Variants in FAT4 observed in about 807,000 individuals in gnomAD.
The protein encoded by FAT4 is protocadherin Fat 4.
Under a neutral mutation model 303.9 loss-of-function variants are expected in FAT4, and 84 were observed. The observed-to-expected ratio is 0.28, with a 90% CI of 0.23 to 0.33. FAT4 has a LOEUF of 0.33. FAT4 is among the 10% of genes least tolerant of loss of function. The probability of loss-of-function intolerance (pLI) is 1.00; values close to 1 mark genes in which losing one functional copy is unlikely to be tolerated. For missense variants in FAT4, 6,005 were observed against 6,146.8 expected (o/e 0.98, Z 0.77); for synonymous variants, 2,307 against 2,298.8 (o/e 1.00, Z -0.10).
intron 7 of FAT4, among the ~76,000 whole-genome samples, chr4:125,424,764 G>C (rs1451470469): frequency 6.6e-6 from 1 of 152,088 alleles, no homozygotes; most frequent in Non-Finnish European, 1.5e-5. Context: ...ATATAGATTG[G>C]GAGTGTTATG....
chr4:125,358,774 C>T (rs1012391043), intron 2 of FAT4, among the ~76,000 whole-genome samples: 6 of 152,024 alleles, frequency 3.9e-5, no homozygotes, highest in Non-Finnish European at 5.9e-5. Flanking sequence ...GTTGGGGACC[C>T]CTTATCTACA....
chr4:125,435,445 A>G (rs1327432866), intron 8 of FAT4, among the ~76,000 whole-genome samples: 2 of 152,218 alleles, frequency 1.3e-5, no homozygotes, highest in East Asian at 1.9e-4. Context: ...ATTATCAGCT[A>G]TGGGTACCAG....
chr4:125,340,364 T>C (rs560067444), intron 2 of FAT4, among the ~76,000 whole-genome samples: 1 of 149,466 alleles, frequency 6.7e-6, no homozygotes, highest in African/African-American at 2.5e-5. Flanking sequence ...AAATGTCTCG[T>C]AGAGCACATT....
intron 2 of FAT4, among the ~76,000 whole-genome samples, chr4:125,397,540 C>T (rs1185471130): frequency 6.6e-6 from 1 of 152,160 alleles, no homozygotes; most frequent in African/African-American, 2.4e-5. Context: ...CTTCACCATT[C>T]TCTGGACTCA....
At chr4:125,417,711 A>G (rs1735128835) in intron 7 of FAT4, among the ~76,000 whole-genome samples, 1 of 152,164 alleles carries the variant, frequency 6.6e-6, no homozygotes, top group African/African-American at 2.4e-5. Flanking sequence ...TTTCAGTGAC[A>G]TTAGTGTCCT....
At chr4:125,454,692 G>A (rs527726430) in intron 10 of FAT4, among the ~76,000 whole-genome samples, 1 of 152,198 alleles carries the variant, frequency 6.6e-6, no homozygotes, top group Non-Finnish European at 1.5e-5. Context: ...AATTAGCTGG[G>A]CGTGGTGGCA....
At chr4:125,332,066 C>A (rs1240979007) in intron 2 of FAT4, among the ~76,000 whole-genome samples, 1 of 152,002 alleles carries the variant, frequency 6.6e-6, no homozygotes, top group South Asian at 2.1e-4. Context: ...AGTGCTCTTC[C>A]CCTTTTTCCT....
chr4:125,352,085 G>A (rs1204895160), intron 2 of FAT4, among the ~76,000 whole-genome samples: 1 of 151,560 alleles, frequency 6.6e-6, no homozygotes, highest in East Asian at 1.9e-4. Flanking sequence ...TTTTTAAAAA[G>A]GGATTTAGGT....
intron 2 of FAT4, among the ~76,000 whole-genome samples, chr4:125,369,844 G>T (rs1733038284): frequency 1.3e-5 from 2 of 151,968 alleles, no homozygotes; most frequent in African/African-American, 4.8e-5. Context: ...GACTACTTTT[G>T]CTAACTGATA....
intron 8 of FAT4, among the ~76,000 whole-genome samples, chr4:125,436,541 G>A (rs1301860318): frequency 6.6e-6 from 1 of 152,122 alleles, no homozygotes; most frequent in Non-Finnish European, 1.5e-5. Flanking sequence ...GAGTGTATTA[G>A]TCTGTTCTCA....
intron 2 of FAT4, among the ~76,000 whole-genome samples, chr4:125,368,051 T>C (rs1732953124): frequency 2.0e-5 from 3 of 152,104 alleles, no homozygotes; most frequent in Admixed American, 6.5e-5. Flanking sequence ...GGCAATTTAG[T>C]ATTTGTTACT....
rs373744467 is a variant in FAT4, at chr4:125,451,406, G to C, written c.10396G>C (p.Val3466Leu). 1 of 1,614,112 alleles carries C rather than the reference G, an allele frequency of 6.2e-7. No homozygotes were observed. The highest frequency in any genetic ancestry group is 1.3e-5 in the African/African-American group (1 of 75,026). Residue 3466 changes from valine (V) to leucine (L), a missense_variant, in exon 10 of 18, where the codon GTT becomes CTT. Val to Leu is a conservative substitution (Grantham distance 32, BLOSUM62 1). Transcript: ENST00000394329. Reference protein sequence around the residue: ...SINPQTGQITVTAELDRETLP... With the variant: ...SINPQTGQITLTAELDRETLP... ...TAATCCGCAGACAGGACAGATCACC[G>C]TTACTGCAGAATTAGATCGAGAAAC...
Position 125,317,446 on chromosome 4 carries a change from C to T in FAT4, c.1035C>T (p.Asp345=), listed in dbSNP as rs1411451861. 1.2e-6 allele frequency: 2 copies of T among 1,613,532 alleles called. No individual in the cohort carries two copies. Among genetic ancestry groups the T allele is most frequent in the Admixed American group, 3.3e-5 (2 of 60,012 alleles). ...CCGAGGCGCTGATTCAGCTGCTGGA[C>T]GTGAATGACAATGACCCGGTAGTGA... ...GRAEALIQLL[D]VNDNDPVVKF... The change falls in exon 2 of 18, where the codon GAC becomes GAT. Residue 345 remains aspartate, a synonymous_variant. Coordinates refer to ENST00000394329, the MANE Select transcript of FAT4 (RefSeq NM_001291303.3). This position sits in a 1 kb window ranked among gnomAD's most constrained non-coding sequence, Gnocchi z 7.0.
At chr4:125,417,165 A>G (rs1257246816) in intron 7 of FAT4, among the ~76,000 whole-genome samples, 1 of 152,090 alleles carries the variant, frequency 6.6e-6, no homozygotes, top group Non-Finnish European at 1.5e-5. Flanking sequence ...CATAAAACAG[A>G]ATGAATTGTT....
intron 11 of FAT4, among the ~76,000 whole-genome samples, chr4:125,464,327 C>G (rs1288554895): frequency 6.6e-6 from 1 of 152,068 alleles, no homozygotes; most frequent in Non-Finnish European, 1.5e-5. Flanking sequence ...CAGGTCTTAT[C>G]CAGCTGTTAC....
rs754755525 is a variant in FAT4 at position 125,468,549 on chromosome 4, A to C, written c.11943A>C (p.Gly3981=). The C allele has an allele frequency of 2.5e-6, 4 of 1,612,906 alleles. No individual in the cohort carries two copies. The highest frequency in any genetic ancestry group is 3.4e-6 in the Non-Finnish European group (4 of 1,179,110). The change falls in exon 12 of 18, where the codon GGA becomes GGC. Residue 3981 remains glycine, a synonymous_variant. Coordinates refer to ENST00000394329, the MANE Select transcript of FAT4 (RefSeq NM_001291303.3). Reference sequence around the variant, plus strand: ...AACACTGCGAGTTGAACAGTTATGGATTTGAGGAGTTATCATACATGGAAT... The same window carrying C: ...AACACTGCGAGTTGAACAGTTATGGCTTTGAGGAGTTATCATACATGGAAT... The part of the protein sequence containing the change: ...FGKHCELNSY[G]FEELSYMEFP...
In FAT4 at chr4:125,320,008, C is replaced by T; in HGVS notation, c.3597C>T (p.Tyr1199=). Residue 1199 remains tyrosine, a synonymous_variant, in exon 2 of 18, where the codon TAC becomes TAT. Transcript: ENST00000394329. ...PLKDQATVHV[Y]MKDINDNAPK... is the part of the protein sequence containing the mutation. ...AGGATCAGGCCACTGTACATGTTTA[C>T]ATGAAGGATATAAATGATAATGCTC... The T allele has an allele frequency of 1.9e-6, 3 of 1,612,974 alleles. No individual in the cohort carries two copies. The highest frequency in any genetic ancestry group is 2.2e-5 in the South Asian group (2 of 91,076).
intron 12 of FAT4, among the ~76,000 whole-genome samples, chr4:125,475,067 C>T (rs569174785): frequency 1.3e-5 from 2 of 152,140 alleles, no homozygotes; most frequent in East Asian, 1.9e-4. Flanking sequence ...TTTAGAATAA[C>T]GCTTTATTGT....
chr4:125,404,101 C>T (rs1483547182), intron 3 of FAT4, among the ~76,000 whole-genome samples: 3 of 152,078 alleles, frequency 2.0e-5, no homozygotes, highest in Non-Finnish European at 4.4e-5. Context: ...TTTTTCTCTC[C>T]GCCATCTCTC....
Sources: gnomAD v4.1 joint callset for allele counts (sites outside exome capture counted in the v4.1 genomes callset) on GRCh38, gnomAD v4.1.1 for gene constraint, Gnocchi (gnomAD v3.1) non-coding constraint, MANE v1.5 for transcripts, NCBI Gene and HGNC (gene_info 2026-07-23, HGNC 2026-07-21) for gene names.